COL23A1: variants seen among roughly 807,000 people sequenced by gnomAD.
COL23A1 encodes the protein collagen type XXIII alpha 1 chain.
In COL23A1, 97 loss-of-function variants were observed where a neutral mutation model predicts 99.3. The ratio of observed to expected loss-of-function variants is 0.98; its 90% confidence interval spans 0.83 to 1.16. COL23A1 has a LOEUF of 1.16. Ranked by LOEUF, COL23A1 falls within the 50% of genes most tolerant of loss-of-function variation. COL23A1 has a pLI of 0.00. For synonymous variants in COL23A1, 320 were observed against 308.2 expected (o/e 1.04, Z -0.40); for missense variants, 762 against 757.4 (o/e 1.01, Z -0.07).
chr5:178,448,759 CAA>C (rs145299185), intron 2 of COL23A1, among the ~76,000 whole-genome samples: 4,067 of 152,224 alleles, frequency 0.027, 159 homozygotes, highest in African/African-American at 0.089. Context: ...CACTGGAGAT[CAA>C]GTTTCCCACA....
Position 178,515,220 on chromosome 5 carries a change from G to A in COL23A1, c.361+45462C>T, listed in dbSNP as rs1420503544. Among the ~76,000 whole-genome samples the A allele has an allele frequency of 2.0e-5, 3 of 152,174 alleles. No homozygotes were observed. In the East Asian group the frequency reaches 5.8e-4, roughly 29 times the overall value. ...TTCCCTCTGGAAGCCACCCTGCCCA[G>A]GGCCTCCTCTGCTCCTCTGCACTGC... is the stretch of plus-strand genomic sequence containing the variant. On this transcript the variant is annotated intron_variant, in intron 2 of 28. Coordinates refer to ENST00000390654, the MANE Select transcript of COL23A1 (RefSeq NM_173465.4).
chr5:178,248,462 C>A (rs530400337), intron 19 of COL23A1, among the ~76,000 whole-genome samples: 2 of 152,202 alleles, frequency 1.3e-5, no homozygotes, highest in African/African-American at 4.8e-5. Flanking sequence ...AGCAGCCGCA[C>A]ACATTGTTTT....
chr5:178,334,085 C>T (rs900630179), intron 2 of COL23A1, among the ~76,000 whole-genome samples: 9 of 152,224 alleles, frequency 5.9e-5, no homozygotes, highest in East Asian at 1.9e-4. Flanking sequence ...TGGGGATGTC[C>T]GGGTCCTCAA....
chr5:178,455,621 T>C (rs1581422303), intron 2 of COL23A1, among the ~76,000 whole-genome samples: 1 of 152,202 alleles, frequency 6.6e-6, no homozygotes, highest in East Asian at 1.9e-4. Flanking sequence ...CATCCAGGCA[T>C]GACACCGGCC....
At chr5:178,292,235 C>T (rs1299965802) in intron 3 of COL23A1, among the ~76,000 whole-genome samples, 3 of 151,862 alleles carry the variant, frequency 2.0e-5, no homozygotes, top group Non-Finnish European at 4.4e-5. Context: ...CCGCACCTGC[C>T]CCTGCACCTG....
At position 178,263,289 on chromosome 5, in the gene COL23A1, C is replaced by T. The variant is rs778873842; in HGVS notation, c.558G>A (p.Pro186=). ...GGGCCCCAGGAGGTCCAGGGGGCCCCGGAGGCCCAGCAGCTCCATCTTGTC... is the reference window on the plus strand; with the variant it reads ...GGGCCCCAGGAGGTCCAGGGGGCCCTGGAGGCCCAGCAGCTCCATCTTGTC... ...DQGQDGAAGP[P]GPPGPPGARG... Residue 186 remains proline (P), a synonymous_variant, in exon 9 of 29, where the codon CCG becomes CCA. Coordinates refer to ENST00000390654, the MANE Select transcript of COL23A1 (RefSeq NM_173465.4). The T allele has an allele frequency of 3.2e-5, 52 of 1,608,644 alleles. No homozygotes were observed. The highest frequency in any genetic ancestry group is 3.0e-4 in the African/African-American group (22 of 74,362).
chr5:178,479,108 T>TGAC (rs1757189276), intron 2 of COL23A1, among the ~76,000 whole-genome samples: 1 of 151,788 alleles, frequency 6.6e-6, no homozygotes, highest in Non-Finnish European at 1.5e-5. Flanking sequence ...CTCATGATGA[T>TGAC]GATGATGATG....
chr5:178,311,485 TGTGTGTGTGTGTGTGTGTGTGCGC>T (rs755059618), intron 2 of COL23A1, among the ~76,000 whole-genome samples: 5,436 of 51,534 alleles, frequency 0.11, 330 homozygotes, highest in African/African-American at 0.31. Flanking sequence ...TTCTTTCCTC[TGTGTGTGTGTGTGTGTGTGTGCGC>T]GTGTGTGTGT....
At chr5:178,362,023 G>T (rs1762199115) in intron 2 of COL23A1, among the ~76,000 whole-genome samples, 1 of 152,186 alleles carries the variant, frequency 6.6e-6, no homozygotes, top group African/African-American at 2.4e-5. Flanking sequence ...TGATGCTTAT[G>T]CAAAGCTTCC....
chr5:178,519,907 G>A (rs1436293140), intron 2 of COL23A1, among the ~76,000 whole-genome samples: 1 of 152,126 alleles, frequency 6.6e-6, no homozygotes, highest in Non-Finnish European at 1.5e-5. Context: ...GTAGATGGAT[G>A]GATGAATGGT....
rs1404105293 is a variant in COL23A1, at chr5:178,280,469, C to T, written c.441+7855G>A. Among the ~76,000 whole-genome samples, 1 of 152,182 alleles carries T rather than the reference C, an allele frequency of 6.6e-6. No homozygotes were observed. Among genetic ancestry groups the T allele is most frequent in the Admixed American group, 6.5e-5 (1 of 15,282 alleles). On this transcript the variant is annotated intron_variant, in intron 5 of 28. Transcript: ENST00000390654. This position sits in a 1 kb window ranked among gnomAD's most constrained non-coding sequence, Gnocchi z 4.9. ...CACATGGACTATAGACCCCTGGGCCCATTCTGTCTCCACTGCATGGGCTGG... is the reference window on the plus strand; with the variant it reads ...CACATGGACTATAGACCCCTGGGCCTATTCTGTCTCCACTGCATGGGCTGG...
Position 178,384,402 on chromosome 5 carries a change from G to C in COL23A1, c.362-77483C>G, listed in dbSNP as rs1169403552. On this transcript the variant is annotated intron_variant, in intron 2 of 28. Transcript: ENST00000390654. This position sits in a 1 kb window ranked among gnomAD's most constrained non-coding sequence, Gnocchi z 5.5. ...AGGTGAAGCCTCAGGAAAGCCCGGG[G>C]CTGTTCATCCGGGTAGTAAACCAGG... Among the ~76,000 whole-genome samples the C allele has an allele frequency of 6.6e-6, 1 of 152,244 alleles. No individual in the cohort carries two copies.
At chr5:178,362,370 C>T (rs1762218807) in intron 2 of COL23A1, among the ~76,000 whole-genome samples, 1 of 152,166 alleles carries the variant, frequency 6.6e-6, no homozygotes, top group East Asian at 1.9e-4. Flanking sequence ...TCTCAGTGGG[C>T]CCACAGCACG....
intron 6 of COL23A1, among the ~76,000 whole-genome samples, chr5:178,269,414 T>C (rs1407150005): frequency 2.1e-4 from 8 of 38,740 alleles, no homozygotes; most frequent in Non-Finnish European, 5.0e-4. Flanking sequence ...CAACCATCCA[T>C]CCACCCGTCC....
intron 2 of COL23A1, among the ~76,000 whole-genome samples, chr5:178,467,811 G>C (rs1167360963): frequency 2.0e-5 from 3 of 152,138 alleles, no homozygotes; most frequent in African/African-American, 7.2e-5. Flanking sequence ...AAAATAGAAA[G>C]AAACTCTAAA....
intron 2 of COL23A1, among the ~76,000 whole-genome samples, chr5:178,545,483 CA>C (rs1292989279): frequency 1.3e-5 from 2 of 152,086 alleles, no homozygotes; most frequent in Non-Finnish European, 2.9e-5. Context: ...CAGTGGGTGC[CA>C]GGGGCGGGGA....
intron 3 of COL23A1, among the ~76,000 whole-genome samples, chr5:178,303,296 T>G (rs1222672136): frequency 6.6e-6 from 1 of 152,116 alleles, no homozygotes; most frequent in Admixed American, 6.5e-5. Context: ...CATGCATGGT[T>G]TTTAAAGCTG....
At chr5:178,480,715 A>G (rs536724249) in intron 2 of COL23A1, among the ~76,000 whole-genome samples, 1 of 152,324 alleles carries the variant, frequency 6.6e-6, no homozygotes, top group South Asian at 2.1e-4. Context: ...GTCAAAATGT[A>G]ATGGTCACGG....
At chr5:178,557,080 G>A (rs188640739) in intron 2 of COL23A1, among the ~76,000 whole-genome samples, 21 of 152,314 alleles carry the variant, frequency 1.4e-4, no homozygotes, top group East Asian at 5.8e-4. Flanking sequence ...TCTGCGGGGC[G>A]GGCTCCTCAG....
Sources: allele counts gnomAD v4.1 joint callset (sites outside exome capture counted in the v4.1 genomes callset), GRCh38; gene constraint gnomAD v4.1.1; non-coding constraint Gnocchi (gnomAD v3.1); transcripts MANE v1.5; gene names NCBI Gene and HGNC (gene_info 2026-07-23, HGNC 2026-07-21).